The following SYNE2 variants were observed in gnomAD, a reference collection of about 807,000 sequenced individuals.
The protein encoded by SYNE2 is nesprin-2.
SYNE2 carries 431 observed loss-of-function variants against 856.3 expected under a neutral mutation model. That is an observed-to-expected ratio of 0.50 (90% CI 0.47 to 0.55). The LOEUF (loss-of-function observed/expected upper bound fraction) is 0.55, where lower values mean the gene tolerates loss of function less well. Among genes scored for constraint, SYNE2 ranks in the 20% least tolerant of loss-of-function variants. The pLI is 0.00. For missense variants in SYNE2, 8,129 were observed against 8,023.2 expected (o/e 1.01, Z -0.50); for synonymous variants, 2,923 against 2,872.3 (o/e 1.02, Z -0.56).
At chr14:64,034,219 AAT>A (rs1035012383) in intron 45 of SYNE2, among the ~76,000 whole-genome samples, 8 of 152,234 alleles carry the variant, frequency 5.3e-5, no homozygotes, top group Admixed American at 2.6e-4. Context: ...AAATTTGATT[AAT>A]ATAAAATCAT....
In SYNE2 at chr14:64,162,254, C is replaced by T; in HGVS notation, c.16277C>T (p.Pro5426Leu). ...GGAAACAACCTGGCAGAGATCCTGC[C>T]CCCAGCCCTGCAGGACATAAAGGTG... ...MSGNNLAEIL[P>L]PALQDIKELQ... The change falls in exon 88 of 116, where the codon CCC becomes CTC. Residue 5426 changes from proline (P) to leucine (L), a missense_variant. Coordinates refer to ENST00000555002, the MANE Select transcript of SYNE2 (RefSeq NM_182914.3). 6.2e-7 allele frequency: 1 copy of T among 1,614,160 alleles called. No homozygotes were observed. Among genetic ancestry groups the T allele is most frequent in the Non-Finnish European group, 8.5e-7 (1 of 1,180,010 alleles).
intron 65 of SYNE2, among the ~76,000 whole-genome samples, chr14:64,112,606 A>G (rs2097819805): frequency 6.6e-6 from 1 of 152,252 alleles, no homozygotes; most frequent in African/African-American, 2.4e-5. Flanking sequence ...ATTTCAATGT[A>G]AAAAGAACAC....
At chr14:64,199,965 A>C (rs1596173130) in intron 99 of SYNE2, among the ~76,000 whole-genome samples, 1 of 152,098 alleles carries the variant, frequency 6.6e-6, no homozygotes, top group South Asian at 2.1e-4. Flanking sequence ...AAACCAAGCA[A>C]ATTATTCCCC....
intron 94 of SYNE2, among the ~76,000 whole-genome samples, chr14:64,172,654 C>T (rs2098416410): frequency 6.6e-6 from 1 of 152,096 alleles, no homozygotes. Context: ...AGAGGTGCCA[C>T]AGTTTGATGA....
intron 1 of SYNE2, among the ~76,000 whole-genome samples, chr14:63,905,557 T>C (rs887729688): frequency 1.4e-4 from 21 of 152,208 alleles, no homozygotes; most frequent in African/African-American, 5.1e-4. Flanking sequence ...TCATCATCTT[T>C]GTGGCTATTG....
At chr14:64,093,560 C>T (rs2097648714) in intron 61 of SYNE2, 80 bp downstream of exon 61, 1 of 1,538,440 alleles carries the variant, frequency 6.5e-7, no homozygotes, top group Admixed American at 1.7e-5. Context: ...CCTTTGGTGT[C>T]TAGGAGCCTT....
At chr14:63,956,584 G>A (rs1411532048) in intron 8 of SYNE2, 1 of 377,536 alleles carries the variant, frequency 2.6e-6, no homozygotes, top group Admixed American at 3.4e-5. Context: ...CATACCATAT[G>A]ATGTATCATT....
At chr14:64,186,331 C>T (rs1159824670) in intron 96 of SYNE2, 93 bp from the exon 97 acceptor site, 5 of 1,544,660 alleles carry the variant, frequency 3.2e-6, no homozygotes, top group Non-Finnish European at 4.5e-6. Context: ...CCTCCCCTCC[C>T]CCAGAGTCTA....
At chr14:63,889,046 C>CA (rs200729691) in intron 1 of SYNE2, among the ~76,000 whole-genome samples, 1,393 of 108,390 alleles carry the variant, frequency 0.013, 17 homozygotes, top group East Asian at 0.043. Context: ...TACTAAAATA[C>CA]AAAAAAAAAA....
At chr14:64,003,998 C>T (rs1342502981) in intron 30 of SYNE2, among the ~76,000 whole-genome samples, 1 of 151,844 alleles carries the variant, frequency 6.6e-6, no homozygotes, top group Admixed American at 6.6e-5. Context: ...TTCCCCCTCA[C>T]CTCCCCTCCC....
intron 38 of SYNE2, 180 bp from the exon 39 acceptor site, chr14:64,024,077 G>A: frequency 1.7e-6 from 1 of 588,664 alleles, no homozygotes; most frequent in Admixed American, 2.6e-5. Context: ...TTCCCAAGAA[G>A]TCAGAACTAT....
chr14:63,884,567 G>T (rs151331343), intron 1 of SYNE2, among the ~76,000 whole-genome samples: 1 of 152,204 alleles, frequency 6.6e-6, no homozygotes, highest in African/African-American at 2.4e-5. Flanking sequence ...GGGCACCAAG[G>T]CCAATCACCT....
chr14:64,206,838 ATTTAT>A (rs894602581), intron 100 of SYNE2, among the ~76,000 whole-genome samples: 7 of 87,486 alleles, frequency 8.0e-5, no homozygotes, highest in African/African-American at 7.1e-4. Context: ...GATTAGTATT[ATTTAT>A]TTTAATACCA....
At chr14:63,815,287 A>T (rs1888932046) in intron 1 of SYNE2, among the ~76,000 whole-genome samples, 1 of 85,914 alleles carries the variant, frequency 1.2e-5, no homozygotes, top group Non-Finnish European at 2.7e-5. Context: ...TATTAAACTC[A>T]CAGGATCACA....
intron 61 of SYNE2, among the ~76,000 whole-genome samples, chr14:64,094,722 AT>A (rs1374536975): frequency 2.6e-5 from 4 of 152,134 alleles, no homozygotes; most frequent in Non-Finnish European, 5.9e-5. Flanking sequence ...AAAATATTAG[AT>A]TTCCCCTTAT....
chr14:63,980,589 A>G (rs1309321591), intron 14 of SYNE2, 65 bp from the exon 15 acceptor site: 1 of 1,112,028 alleles, frequency 9.0e-7, no homozygotes, highest in Non-Finnish European at 1.4e-6. Context: ...GTATCTCACT[A>G]TCTGGATTTC....
chr14:64,141,561 A>C (rs759678644), intron 81 of SYNE2, 38 bp downstream of exon 81: 23 of 1,591,012 alleles, frequency 1.4e-5, no homozygotes, highest in Admixed American at 1.2e-4. Context: ...ATTAGCATTC[A>C]CTTGTTAGCT....
intron 22 of SYNE2, among the ~76,000 whole-genome samples, chr14:63,994,786 G>C (rs1333127245): frequency 6.6e-6 from 1 of 151,876 alleles, no homozygotes; most frequent in Non-Finnish European, 1.5e-5. Flanking sequence ...GTTTCCCTCA[G>C]TCTGTAGCTT....
chr14:63,854,248 A>G (rs1034809133), intron 1 of SYNE2, among the ~76,000 whole-genome samples: 1 of 149,634 alleles, frequency 6.7e-6, no homozygotes, highest in African/African-American at 2.5e-5. Flanking sequence ...TGCAGATACT[A>G]TTTGGCTATG....
Sources: allele counts gnomAD v4.1 joint callset (sites outside exome capture counted in the v4.1 genomes callset), GRCh38; gene constraint gnomAD v4.1.1; transcripts MANE v1.5; gene names NCBI Gene and HGNC (gene_info 2026-07-23, HGNC 2026-07-21).